The following WDFY3 variants were observed in gnomAD, a reference collection of about 807,000 sequenced individuals.
The protein encoded by WDFY3 is WD repeat and FYVE domain-containing protein 3.
WDFY3 carries 66 observed loss-of-function variants against 409.6 expected under a neutral mutation model. The ratio of observed to expected loss-of-function variants is 0.16; its 90% CI spans 0.13 to 0.20. The LOEUF is 0.20. Ranked by LOEUF, WDFY3 falls within the 10% of genes least tolerant of loss-of-function variation. WDFY3 has a pLI of 1.00. For synonymous variants in WDFY3, 1,521 were observed against 1,537.1 expected, an observed-to-expected ratio of 0.99 and a Z score of 0.25; for missense variants, 3,031 against 4,298.1, an observed-to-expected ratio of 0.71 and a Z score of 8.24.
chr4:84,673,096 G>C (rs967230839), intron 67 of WDFY3, 105 bp from the exon 68 acceptor site: 7 of 1,469,224 alleles, frequency 4.8e-6, no homozygotes, highest in Middle Eastern at 3.6e-4. Context: ...AAATGCCAAA[G>C]GCCATACTGG....
At chr4:84,911,011 T>G (rs1767704504) in intron 2 of WDFY3, among the ~76,000 whole-genome samples, 1 of 151,932 alleles carries the variant, frequency 6.6e-6, no homozygotes, top group Non-Finnish European at 1.5e-5. Flanking sequence ...TGAGCCACCA[T>G]GCCTAGCCCA....
At position 84,740,268 on chromosome 4, in the gene WDFY3, T is replaced by A. The variant is rs747575054; in HGVS notation, c.6383A>T (p.Asn2128Ile). 6.2e-7 allele frequency: 1 copy of A among 1,613,920 alleles called. No individual in the cohort carries two copies. The highest frequency in any genetic ancestry group is 2.2e-5 in the East Asian group (1 of 44,838). The part of the protein sequence containing the change: ...DSLRVLTVNR[N>I]LILGPGNHDQ... ...ATGGTTCCCAGGTCCCAGGATCAAG[T>A]TTCTGTTTACAGTGAGGACCCTGAG... Residue 2128 changes from asparagine to isoleucine, a missense_variant, in exon 39 of 68, where the codon AAC becomes ATC. Coordinates refer to ENST00000295888, the MANE Select transcript of WDFY3 (RefSeq NM_014991.6).
chr4:84,740,514 G>C (rs1287640070), intron 38 of WDFY3, 98 bp from the exon 39 acceptor site: 1 of 1,142,224 alleles, frequency 8.8e-7, no homozygotes, highest in Admixed American at 2.1e-5. Context: ...TTATATACCA[G>C]ATGCCATGCT....
chr4:84,886,828 C>T (rs918848834), intron 3 of WDFY3, among the ~76,000 whole-genome samples: 5 of 152,090 alleles, frequency 3.3e-5, no homozygotes, highest in African/African-American at 1.2e-4. Flanking sequence ...CAACATTGTT[C>T]TGGTAGTGTT....
rs558847500 is a variant in WDFY3 at position 84,809,969 on chromosome 4, T to C, written c.2263A>G (p.Ile755Val). The C allele has an allele frequency of 3.7e-5, 59 of 1,614,198 alleles. No individual in the cohort carries two copies. Among genetic ancestry groups the C allele is most frequent in the Middle Eastern group, 1.6e-4 (1 of 6,062 alleles). Residue 755 changes from isoleucine to valine, a missense_variant, in exon 14 of 68, where the codon ATA becomes GTA. Transcript: ENST00000295888. Reference sequence around the variant, plus strand: ...CGTAACGTGGGTGACACTGATTCTATTGAGATTACATCTTCCTCTAAAAGT... The same window carrying C: ...CGTAACGTGGGTGACACTGATTCTACTGAGATTACATCTTCCTCTAAAAGT... ...QRLLEEDVIS[I>V]ESVSPTLRHC...
At chr4:84,938,360 T>A (rs144595278) in intron 1 of WDFY3, among the ~76,000 whole-genome samples, 1 of 152,332 alleles carries the variant, frequency 6.6e-6, no homozygotes, top group East Asian at 1.9e-4. Flanking sequence ...TTGATAATGA[T>A]GATAACCTCA....
intron 2 of WDFY3, among the ~76,000 whole-genome samples, chr4:84,908,534 C>A (rs1337535498): frequency 6.6e-6 from 1 of 152,108 alleles, no homozygotes; most frequent in Admixed American, 6.6e-5. Flanking sequence ...TCCAAAAAGA[C>A]AGAACTATAA....
At chr4:84,700,617 TG>T (rs900529251) in intron 56 of WDFY3, among the ~76,000 whole-genome samples, 7 of 152,192 alleles carry the variant, frequency 4.6e-5, no homozygotes, top group Non-Finnish European at 7.3e-5. Context: ...AAAAGTAGAT[TG>T]GTTAGTTGGG....
chr4:84,842,038 A>C (rs1389536701), intron 5 of WDFY3, among the ~76,000 whole-genome samples: 1 of 152,210 alleles, frequency 6.6e-6, no homozygotes, highest in Non-Finnish European at 1.5e-5. Flanking sequence ...GACTTGGAAG[A>C]ATCTTCAAAA....
chr4:84,807,959 A>T (rs908000540), intron 15 of WDFY3, among the ~76,000 whole-genome samples: 5 of 148,574 alleles, frequency 3.4e-5, no homozygotes, highest in African/African-American at 1.3e-4. Flanking sequence ...AGTAAAAAAT[A>T]AAAAAAAAAT....
intron 17 of WDFY3, among the ~76,000 whole-genome samples, chr4:84,798,602 C>T (rs1421731174): frequency 6.6e-6 from 1 of 152,190 alleles, no homozygotes; most frequent in Non-Finnish European, 1.5e-5. Flanking sequence ...TTATGTTCTG[C>T]ATCTCACTGA....
chr4:84,675,498 AGC>A (rs1482690692), intron 67 of WDFY3, among the ~76,000 whole-genome samples: 1 of 152,208 alleles, frequency 6.6e-6, no homozygotes, highest in Non-Finnish European at 1.5e-5. Flanking sequence ...TTCTCTCAAT[AGC>A]TCTAAGAGGA....
At chr4:84,841,889 T>C (rs1417635778) in intron 5 of WDFY3, among the ~76,000 whole-genome samples, 9 of 152,116 alleles carry the variant, frequency 5.9e-5, no homozygotes, top group Non-Finnish European at 1.3e-4. Flanking sequence ...GTAATGTGTA[T>C]GACAGACTGG....
At chr4:84,914,211 G>C (rs1282842986) in intron 2 of WDFY3, among the ~76,000 whole-genome samples, 1 of 152,050 alleles carries the variant, frequency 6.6e-6, no homozygotes, top group African/African-American at 2.4e-5. Flanking sequence ...CACAAGGTGA[G>C]GAGATCAAGA....
At chr4:84,791,979 C>A (rs1748615866) in intron 21 of WDFY3, among the ~76,000 whole-genome samples, 1 of 151,934 alleles carries the variant, frequency 6.6e-6, no homozygotes, top group Non-Finnish European at 1.5e-5. Context: ...CGGTGGAAAA[C>A]CAGATTTTAA....
At chr4:84,709,148 T>A in intron 52 of WDFY3, 120 bp from the exon 53 acceptor site, 1 of 1,450,912 alleles carries the variant, frequency 6.9e-7, no homozygotes, top group Non-Finnish European at 9.3e-7. Flanking sequence ...TTCAGAACAA[T>A]GAAATACTTT....
At chr4:84,847,209 T>C (rs1361548776) in intron 5 of WDFY3, among the ~76,000 whole-genome samples, 1 of 152,142 alleles carries the variant, frequency 6.6e-6, no homozygotes, top group Non-Finnish European at 1.5e-5. Flanking sequence ...GACAATTCTC[T>C]GAGCACCTGC....
intron 3 of WDFY3, among the ~76,000 whole-genome samples, chr4:84,873,995 G>A (rs1489354321): frequency 6.6e-6 from 1 of 151,828 alleles, no homozygotes; most frequent in Admixed American, 6.6e-5. Context: ...TGCCCAGGAT[G>A]TTCTCGCACT....
chr4:84,713,934 TG>T (rs2149026974), intron 50 of WDFY3, among the ~76,000 whole-genome samples: 1 of 151,904 alleles, frequency 6.6e-6, no homozygotes, highest in African/African-American at 2.4e-5. Context: ...CTGGCCAACA[TG>T]GTGAAACTCC....
Sources: allele counts gnomAD v4.1 joint callset (sites outside exome capture counted in the v4.1 genomes callset), GRCh38; gene constraint gnomAD v4.1.1; transcripts MANE v1.5; gene names NCBI Gene and HGNC (gene_info 2026-07-23, HGNC 2026-07-21).